Variants in PTBP3 observed in about 807,000 individuals in gnomAD.
The protein encoded by PTBP3 is polypyrimidine tract-binding protein 3.
In PTBP3, 20 loss-of-function variants were observed where a neutral mutation model predicts 58.7. The ratio of observed to expected loss-of-function variants is 0.34; its 90% CI spans 0.24 to 0.50. The LOEUF (loss-of-function observed/expected upper bound fraction) is 0.50, where lower values mean the gene tolerates loss of function less well. PTBP3 is among the 20% of genes least tolerant of loss of function. The pLI is 0.98. For missense variants in PTBP3, 509 were observed against 637.2 expected, an observed-to-expected ratio of 0.80 and a Z score of 2.17; for synonymous variants, 185 against 219.8, an observed-to-expected ratio of 0.84 and a Z score of 1.40.
chr9:112,221,020 A>T lies in PTBP3; in HGVS notation c.*2831T>A. On this transcript the variant is annotated 3_prime_UTR_variant, in exon 14 of 14. Coordinates refer to ENST00000374257, the MANE Select transcript of PTBP3 (RefSeq NM_001163788.4). The stretch of plus-strand genomic sequence containing the variant: ...ATTTTTTAATCTTTTTTTTACAAAA[A>T]CTATGCCAACACAAATACTGTAGAC... 1.0e-6 allele frequency: 1 copy of T among 977,298 alleles called. No individual in the cohort carries two copies. The highest frequency in any genetic ancestry group is 1.2e-6 in the Non-Finnish European group (1 of 822,616). 60.5% of individuals were successfully genotyped at this position (977,298 alleles called of 1,614,324 possible).
chr9:112,352,654 A>G, the PTBP3 span, among the ~76,000 whole-genome samples: 3 of 152,204 alleles, frequency 2.0e-5, no homozygotes, highest in South Asian at 4.1e-4. Context: ...CTGGGCCTTC[A>G]GGAACATCTC....
At chr9:112,305,637 T>A (rs1192021198) in intron 1 of PTBP3, among the ~76,000 whole-genome samples, 11 of 152,108 alleles carry the variant, frequency 7.2e-5, no homozygotes, top group Non-Finnish European at 1.5e-5. Context: ...TAGCAAACCA[T>A]GCTGTGAGTA....
chr9:112,218,723 C>T lies in PTBP3; in HGVS notation c.*5128G>A, dbSNP rs574107972. The T allele has an allele frequency of 6.5e-6, 1 of 152,686 alleles. No individual in the cohort carries two copies. Among genetic ancestry groups the T allele is most frequent in the South Asian group, 2.1e-4 (1 of 4,820 alleles). The allele number at this position is 152,686 out of a possible 1,614,324, so 9.5% of individuals were successfully genotyped here. On this transcript the variant is annotated 3_prime_UTR_variant, in exon 14 of 14. Transcript: ENST00000374257. ...AGACTGTTACAAATGAAAGCTGGTA[C>T]TGCTGCTTATCCAAAATATACAAGA...
intron 1 of PTBP3, among the ~76,000 whole-genome samples, chr9:112,299,546 C>G (rs1249102818): frequency 6.6e-6 from 1 of 152,030 alleles, no homozygotes; most frequent in Non-Finnish European, 1.5e-5. Flanking sequence ...GTAAGAAAAA[C>G]CCAAGATAAC....
intron 1 of PTBP3, among the ~76,000 whole-genome samples, chr9:112,319,681 T>C (rs1486298932): frequency 6.7e-6 from 1 of 149,444 alleles, no homozygotes. Flanking sequence ...TGGGTATATA[T>C]CCAGAGGAAA....
chr9:112,354,205 T>C, the PTBP3 span, among the ~76,000 whole-genome samples: 67 of 152,276 alleles, frequency 4.4e-4, 1 homozygote, highest in African/African-American at 1.4e-3. Context: ...TGATTTGTCT[T>C]TAGTGGAAAT....
intron 10 of PTBP3, among the ~76,000 whole-genome samples, chr9:112,230,897 G>T (rs1047005360): frequency 2.0e-5 from 3 of 152,074 alleles, no homozygotes; most frequent in African/African-American, 7.2e-5. Flanking sequence ...AATGGCTTCC[G>T]ATTGTTCTTA....
intron 1 of PTBP3, among the ~76,000 whole-genome samples, chr9:112,316,167 A>C (rs1050482308): frequency 6.6e-6 from 1 of 152,164 alleles, no homozygotes; most frequent in Non-Finnish European, 1.5e-5. Flanking sequence ...GCAGACTTCT[A>C]AGGTGGTGCC....
In PTBP3 at chr9:112,275,696, A is replaced by ACC. The variant is rs148819196; in HGVS notation, c.204+146_204+147dup. The ACC allele has an allele frequency of 6.4e-6, 4 of 621,808 alleles. No homozygotes were observed. In the African/African-American group the frequency reaches 7.6e-5, roughly 12 times the overall value. 38.5% of individuals were successfully genotyped at this position (621,808 alleles called of 1,614,324 possible). The stretch of plus-strand genomic sequence containing the variant: ...ACTACTGTTTGTTGCTTCCTGTTAC[A>ACC]CCCCCCCAAAAAAATCTACTTTTAA... On this transcript the variant is annotated intron_variant, in intron 3 of 13. Transcript: ENST00000374257.
intron 1 of PTBP3, among the ~76,000 whole-genome samples, chr9:112,306,586 GTATA>G (rs569038891): frequency 6.0e-4 from 69 of 114,554 alleles, no homozygotes; most frequent in African/African-American, 1.9e-3. Flanking sequence ...ATTTAAATTT[GTATA>G]TATATATATA....
intron 1 of PTBP3, among the ~76,000 whole-genome samples, chr9:112,309,799 A>T (rs7041381): frequency 0.49 from 73,632 of 151,508 alleles, 18,244 homozygotes; most frequent in African/African-American, 0.58. Flanking sequence ...AAAAAAAAAA[A>T]AAAAATTGAG....
Position 112,250,960 on chromosome 9 carries a change from T to G in PTBP3, c.771A>C (p.Pro257=). 1 of 1,607,728 alleles carries G rather than the reference T, an allele frequency of 6.2e-7. No homozygotes were observed. The highest frequency in any genetic ancestry group is 8.5e-7 in the Non-Finnish European group (1 of 1,177,064). The change falls in exon 7 of 14, where the codon CCA becomes CCC. Residue 257 remains proline (P), a synonymous_variant. Transcript: ENST00000374257. ...CAGCAGCCATAGGGGGTTCAAGGGA[T>G]GGCTGGCCATCACCAGTAGGAAGGT... ...RLDLPTGDGQ[P]SLEPPMAAAF...
intron 5 of PTBP3, among the ~76,000 whole-genome samples, chr9:112,257,940 CAAAAAAAAA>C (rs56934009): frequency 0.047 from 5,570 of 119,274 alleles, 140 homozygotes; most frequent in South Asian, 0.061. Context: ...GACTCCATCT[CAAAAAAAAA>C]AAAAAAAAAA....
chr9:112,341,219 C>T, the PTBP3 span, among the ~76,000 whole-genome samples: 104 of 152,222 alleles, frequency 6.8e-4, 3 homozygotes, highest in East Asian at 0.02. Flanking sequence ...GCAACCTCCA[C>T]CTCCTGGGTT....
intron 1 of PTBP3, among the ~76,000 whole-genome samples, chr9:112,313,368 C>T (rs1829566341): frequency 6.6e-6 from 1 of 152,180 alleles, no homozygotes; most frequent in Non-Finnish European, 1.5e-5. Context: ...TACACCCAGC[C>T]TAATAAGTTA....
chr9:112,348,858 A>T, the PTBP3 span, among the ~76,000 whole-genome samples: 1 of 152,198 alleles, frequency 6.6e-6, no homozygotes, highest in Non-Finnish European at 1.5e-5. Flanking sequence ...AAAGGTCTCC[A>T]GACATTCGCA....
At chr9:112,326,549 A>G (rs534431094) in intron 1 of PTBP3, among the ~76,000 whole-genome samples, 1 of 152,372 alleles carries the variant, frequency 6.6e-6, no homozygotes, top group African/African-American at 2.4e-5. Context: ...TCTCTTCTAT[A>G]TACTGACAGG....
chr9:112,285,221 T>C (rs1233352048), intron 2 of PTBP3, among the ~76,000 whole-genome samples: 1 of 152,184 alleles, frequency 6.6e-6, no homozygotes, highest in East Asian at 1.9e-4. Context: ...AACATGATGG[T>C]TATGTAAGCG....
At chr9:112,363,561 A>AC in the PTBP3 span, among the ~76,000 whole-genome samples, 48 of 77,462 alleles carry the variant, frequency 6.2e-4, no homozygotes, top group African/African-American at 2.9e-3. Flanking sequence ...CACACACACA[A>AC]AGGCTATTCT....
Sources: gnomAD v4.1 joint callset for allele counts (sites outside exome capture counted in the v4.1 genomes callset) on GRCh38, gnomAD v4.1.1 for gene constraint, MANE v1.5 for transcripts, NCBI Gene and HGNC (gene_info 2026-07-23, HGNC 2026-07-21) for gene names.